CENPU: variants seen among roughly 807,000 people sequenced by gnomAD.
CENPU encodes the protein centromere protein U, also known as KSHV latent nuclear antigen interacting protein 1.
A neutral mutation model predicts 56.7 loss-of-function variants in CENPU; 46 were observed. That is an observed-to-expected ratio of 0.81 (90% CI 0.64 to 1.04). The LOEUF (loss-of-function observed/expected upper bound fraction) is 1.04. Ranked by LOEUF, CENPU falls within the 50% of genes least tolerant of loss-of-function variation. CENPU has a pLI of 0.00. For missense variants in CENPU, 510 were observed against 490.1 expected (o/e 1.04, Z -0.38); for synonymous variants, 166 against 163.0 (o/e 1.02, Z -0.14).
rs1309467451 is a variant in CENPU, at chr4:184,716,354, A to G, written c.618+43T>C. The G allele has an allele frequency of 5.8e-6, 8 of 1,383,204 alleles. No individual in the cohort carries two copies. In the Admixed American group the frequency reaches 8.7e-5, roughly 15 times the overall value. The allele number at this position is 1,383,204 out of a possible 1,614,324, so 85.7% of individuals were successfully genotyped here. A position where few individuals can be genotyped will look rare whatever the true frequency, so the allele number is the denominator to read the frequency against. ...TCATTTTCTTCCCCAAAATTTTTCA[A>G]TAAACTTTTTTTGCCCTCCTAGGGG... On this transcript the variant is annotated intron_variant, in intron 6 of 12. Coordinates refer to ENST00000281453, the MANE Select transcript of CENPU (RefSeq NM_024629.4).
chr4:184,694,227 TAAA>T lies in CENPU; in HGVS notation c.*1058_*1060del. On this transcript the variant is annotated 3_prime_UTR_variant, in exon 13 of 13. Transcript: ENST00000281453. ...GTCTTCAGCTGGACTGTCCACTTGT[TAAA>T]AAATTAAATCCACCCTTGCTCTTCC... 9.1e-7 allele frequency: 1 copy of T among 1,098,970 alleles called. No homozygotes were observed. The highest frequency in any genetic ancestry group is 3.9e-5 in the South Asian group (1 of 25,686). 68.1% of individuals were successfully genotyped at this position (1,098,970 alleles called of 1,614,324 possible).
chr4:184,730,792 A>AG, intron 2 of CENPU, 128 bp downstream of exon 2: 1 of 605,262 alleles, frequency 1.7e-6, no homozygotes, highest in Middle Eastern at 2.8e-4. Flanking sequence ...TGTGAGGAAA[A>AG]TGAACACACT....
At chr4:184,731,662 G>A (rs916482139) in intron 1 of CENPU, among the ~76,000 whole-genome samples, 3 of 152,146 alleles carry the variant, frequency 2.0e-5, no homozygotes, top group South Asian at 2.1e-4. Flanking sequence ...ACCAGGCATC[G>A]TACAAGGGTA....
intron 12 of CENPU, among the ~76,000 whole-genome samples, chr4:184,697,244 G>A (rs532159352): frequency 1.3e-5 from 2 of 152,184 alleles, no homozygotes; most frequent in South Asian, 4.2e-4. Flanking sequence ...TTTTTCATAT[G>A]CAAAAGATGC....
At chr4:184,698,341 T>C (rs1760408540) in intron 11 of CENPU, 2 of 152,212 alleles carry the variant, frequency 1.3e-5, no homozygotes, top group South Asian at 4.1e-4. Context: ...AAGGGATAAC[T>C]TGGGTTTTAT....
intron 1 of CENPU, among the ~76,000 whole-genome samples, chr4:184,733,756 C>T (rs995581488): frequency 1.3e-5 from 2 of 152,240 alleles, no homozygotes; most frequent in African/African-American, 4.8e-5. Flanking sequence ...GACGGCACTC[C>T]CCCTCCCCAC....
chr4:184,694,909 T>C lies in CENPU; in HGVS notation c.*379A>G. On this transcript the variant is annotated 3_prime_UTR_variant, in exon 13 of 13. Transcript: ENST00000281453. Reference sequence around the variant, plus strand: ...ACTTTGCTTTCCAATTTTTGTTTTTTACTTCTGTAAACCAATTTCATTAAA... The same window carrying C: ...ACTTTGCTTTCCAATTTTTGTTTTTCACTTCTGTAAACCAATTTCATTAAA... The C allele has an allele frequency of 1.2e-6, 1 of 806,920 alleles. No homozygotes were observed. Among genetic ancestry groups the C allele is most frequent in the Non-Finnish European group, 1.9e-6 (1 of 530,288 alleles). The allele number at this position is 806,920 out of a possible 1,614,324, so 50.0% of individuals were successfully genotyped here.
intron 4 of CENPU, among the ~76,000 whole-genome samples, chr4:184,721,716 A>C (rs1761284965): frequency 1.3e-5 from 2 of 152,210 alleles, no homozygotes; most frequent in South Asian, 4.1e-4. Context: ...AATTTGAAAC[A>C]TACATGCACC....
At chr4:184,708,142 T>G (rs576882382) in intron 8 of CENPU, among the ~76,000 whole-genome samples, 14 of 150,524 alleles carry the variant, frequency 9.3e-5, no homozygotes, top group African/African-American at 3.2e-4. Flanking sequence ...GTGAATCGCT[T>G]GAACCTGGGA....
chr4:184,703,060 TG>T (rs1385694211), intron 8 of CENPU, among the ~76,000 whole-genome samples: 1 of 151,898 alleles, frequency 6.6e-6, no homozygotes, highest in African/African-American at 2.4e-5. Context: ...ATAACTAAGA[TG>T]GCAATGTTCA....
intron 3 of CENPU, among the ~76,000 whole-genome samples, chr4:184,726,441 T>C (rs61591843): frequency 0.047 from 7,136 of 151,616 alleles, 222 homozygotes; most frequent in Middle Eastern, 0.075. Flanking sequence ...ATTAGGGAAA[T>C]ACAAATCAAA....
chr4:184,733,503 G>A lies in CENPU; in HGVS notation c.47+513C>T. 3.7e-6 allele frequency: 3 copies of A among 814,046 alleles called. 1 individual carries two copies. Among genetic ancestry groups the A allele is most frequent in the South Asian group, 1.0e-4 (2 of 19,234 alleles). The allele number at this position is 814,046 out of a possible 1,614,324, so 50.4% of individuals were successfully genotyped here. On this transcript the variant is annotated intron_variant, in intron 1 of 12. Coordinates refer to ENST00000281453, the MANE Select transcript of CENPU (RefSeq NM_024629.4). ...ACCGACCAAACGCTCGCTTTCTTTGGTAAACAAAAACCGCTCGAGCCATCC... is the reference window on the plus strand; with the variant it reads ...ACCGACCAAACGCTCGCTTTCTTTGATAAACAAAAACCGCTCGAGCCATCC...
Position 184,702,450 on chromosome 4 carries a change from G to A in CENPU, c.798-9C>T, listed in dbSNP as rs1479333806. The A allele has an allele frequency of 1.9e-6, 3 of 1,590,434 alleles. No homozygotes were observed. The highest frequency in any genetic ancestry group is 1.8e-5 in the Admixed American group (1 of 54,286). On this transcript the variant is annotated splice_polypyrimidine_tract_variant and intron_variant, in intron 8 of 12. Coordinates refer to ENST00000281453, the MANE Select transcript of CENPU (RefSeq NM_024629.4). Reference sequence around the variant, plus strand: ...TAGATTCTATTCTTTGTCTGTAGAGGAATTAAAAAAAAGTCTAAGTACCAT... The same window carrying A: ...TAGATTCTATTCTTTGTCTGTAGAGAAATTAAAAAAAAGTCTAAGTACCAT...
At chr4:184,715,907 T>G (rs1310527180) in intron 6 of CENPU, among the ~76,000 whole-genome samples, 1 of 151,698 alleles carries the variant, frequency 6.6e-6, no homozygotes, top group Non-Finnish European at 1.5e-5. Context: ...TGATTTTATC[T>G]TCTTTTCCAT....
At position 184,734,069 on chromosome 4, in the gene CENPU, G is replaced by T. The variant is rs755012711; in HGVS notation, c.-7C>A. The T allele has an allele frequency of 7.1e-6, 11 of 1,550,386 alleles. No homozygotes were observed. Among genetic ancestry groups the T allele is most frequent in the Admixed American group, 1.9e-5 (1 of 51,334 alleles). ...GCCGCCCCCGCGGGGCCATGGTGCC[G>T]CTCTCCGCTCTCGAGCGACTGGAAG... On this transcript the variant is annotated 5_prime_UTR_variant, in exon 1 of 13. Transcript: ENST00000281453.
intron 2 of CENPU, among the ~76,000 whole-genome samples, chr4:184,729,539 T>C (rs1024103980): frequency 2.0e-5 from 3 of 152,236 alleles, no homozygotes; most frequent in Admixed American, 6.5e-5. Context: ...TATTATGACA[T>C]AGTCTTTTTA....
chr4:184,699,669 T>TC, intron 11 of CENPU: 6 of 855,282 alleles, frequency 7.0e-6, no homozygotes, highest in South Asian at 1.9e-5. Context: ...GCAGTCTCTC[T>TC]TTTTTTTTTG....
intron 8 of CENPU, among the ~76,000 whole-genome samples, chr4:184,708,329 T>C (rs1488072341): frequency 6.7e-6 from 1 of 150,008 alleles, no homozygotes; most frequent in Non-Finnish European, 1.5e-5. Context: ...TAAGAATAAA[T>C]TAGCAAATCT....
chr4:184,721,949 C>G (rs1200331283), intron 4 of CENPU, among the ~76,000 whole-genome samples: 1 of 152,234 alleles, frequency 6.6e-6, no homozygotes, highest in East Asian at 1.9e-4. Flanking sequence ...AATACGCATT[C>G]TTCTCCTCAG....
Sources: gnomAD v4.1 joint callset for allele counts (sites outside exome capture counted in the v4.1 genomes callset) on GRCh38, gnomAD v4.1.1 for gene constraint, MANE v1.5 for transcripts, NCBI Gene and HGNC (gene_info 2026-07-23, HGNC 2026-07-21) for gene names.